The following TMED3 variants were observed in gnomAD, a reference collection of about 807,000 sequenced individuals.
TMED3 encodes the protein transmembrane emp24 domain-containing protein 3.
TMED3 carries 9 observed loss-of-function variants against 15.0 expected under a neutral mutation model. The ratio of observed to expected loss-of-function variants is 0.60; its 90% CI spans 0.36 to 1.04. The LOEUF (loss-of-function observed/expected upper bound fraction) is 1.04. Ranked by LOEUF, TMED3 falls within the 50% of genes least tolerant of loss-of-function variation. The pLI is 0.01. For synonymous variants in TMED3, 117 were observed against 121.4 expected, an observed-to-expected ratio of 0.96 and a Z score of 0.24; for missense variants, 267 against 278.9, an observed-to-expected ratio of 0.96 and a Z score of 0.30.
chr15:79,368,752 C>T (rs892589270), intron 2 of TMED3, among the ~76,000 whole-genome samples: 1 of 152,044 alleles, frequency 6.6e-6, no homozygotes, highest in Non-Finnish European at 1.5e-5. Flanking sequence ...ATTTTCTCTT[C>T]TTGTTCCCCT....
intron 2 of TMED3, chr15:79,384,605 T>C: frequency 6.6e-6 from 1 of 152,256 alleles, no homozygotes; most frequent in East Asian, 1.9e-4. Context: ...CCCTCTTGTC[T>C]ACCATGTGTA....
chr15:79,319,838 G>A (rs182314228), intron 2 of TMED3, among the ~76,000 whole-genome samples: 5 of 152,330 alleles, frequency 3.3e-5, no homozygotes, highest in Admixed American at 2.6e-4. Flanking sequence ...CATTATTTCT[G>A]CATATCAGAG....
chr15:79,331,690 TCAAA>T (rs1161231790), intron 2 of TMED3, among the ~76,000 whole-genome samples: 2 of 152,028 alleles, frequency 1.3e-5, no homozygotes, highest in Non-Finnish European at 2.9e-5. Flanking sequence ...TACAAGGAAC[TCAAA>T]CATATCAAAG....
intron 2 of TMED3, among the ~76,000 whole-genome samples, chr15:79,352,436 T>A (rs932203854): frequency 6.6e-6 from 1 of 152,024 alleles, no homozygotes; most frequent in Non-Finnish European, 1.5e-5. Flanking sequence ...TCAGGCGTCA[T>A]GTGCTCAATC....
At chr15:79,345,381 T>C (rs147196544) in intron 2 of TMED3, among the ~76,000 whole-genome samples, 15 of 152,300 alleles carry the variant, frequency 9.8e-5, no homozygotes, top group African/African-American at 3.1e-4. Context: ...CTCTCACTTA[T>C]AAGTGAGAAC....
chr15:79,312,375 C>A (rs1235299894), intron 1 of TMED3, among the ~76,000 whole-genome samples: 10 of 152,130 alleles, frequency 6.6e-5, no homozygotes, highest in Admixed American at 6.5e-4. Flanking sequence ...ACATGGGCAA[C>A]CTAGGTGCAA....
chr15:79,400,501 T>C (rs532025720), intron 2 of TMED3, among the ~76,000 whole-genome samples: 3 of 152,312 alleles, frequency 2.0e-5, no homozygotes, highest in South Asian at 4.1e-4. Flanking sequence ...TTGGTAAACA[T>C]TTGCTGATTA....
At chr15:79,396,563 C>T (rs572614958) in intron 2 of TMED3, among the ~76,000 whole-genome samples, 1 of 152,318 alleles carries the variant, frequency 6.6e-6, no homozygotes, top group African/African-American at 2.4e-5. Flanking sequence ...TCCATCTTCC[C>T]TCTGGGCTCC....
At chr15:79,336,456 G>A (rs1006360370) in intron 2 of TMED3, among the ~76,000 whole-genome samples, 4 of 152,104 alleles carry the variant, frequency 2.6e-5, no homozygotes, top group South Asian at 2.1e-4. Flanking sequence ...TCAGCAGTTC[G>A]AGACCAGCCT....
At chr15:79,377,708 C>T (rs1345415033) in intron 2 of TMED3, among the ~76,000 whole-genome samples, 3 of 143,596 alleles carry the variant, frequency 2.1e-5, no homozygotes, top group Non-Finnish European at 3.0e-5. Context: ...ACTGCAGTGG[C>T]GCAATCTCGG....
intron 2 of TMED3, among the ~76,000 whole-genome samples, chr15:79,399,688 C>T (rs1893809371): frequency 6.6e-6 from 1 of 152,210 alleles, no homozygotes; most frequent in South Asian, 2.1e-4. Context: ...GGTTTCTGAC[C>T]TGCCTTCCCA....
intron 2 of TMED3, among the ~76,000 whole-genome samples, chr15:79,348,184 C>T (rs987816994): frequency 6.6e-6 from 1 of 152,180 alleles, no homozygotes; most frequent in African/African-American, 2.4e-5. Flanking sequence ...ACAGTGCCCT[C>T]TGAAGAAACT....
At chr15:79,409,793 G>C (rs1343095798) in intron 2 of TMED3, among the ~76,000 whole-genome samples, 4 of 152,136 alleles carry the variant, frequency 2.6e-5, no homozygotes, top group Non-Finnish European at 4.4e-5. Flanking sequence ...TGTTAATAGT[G>C]AAGAGGCCAA....
At chr15:79,354,118 A>C (rs564292364) in intron 2 of TMED3, among the ~76,000 whole-genome samples, 24 of 152,336 alleles carry the variant, frequency 1.6e-4, no homozygotes, top group African/African-American at 5.8e-4. Flanking sequence ...AATTTTAAGA[A>C]GAATTGAGGT....
intron 2 of TMED3, among the ~76,000 whole-genome samples, chr15:79,357,464 CAAAAAAAA>C (rs59897659): frequency 1.1e-5 from 1 of 87,702 alleles, no homozygotes; most frequent in Non-Finnish European, 2.2e-5. Flanking sequence ...CACCCTGCCT[CAAAAAAAA>C]AAAAAAAAAA....
At chr15:79,352,420 A>G (rs535718199) in intron 2 of TMED3, among the ~76,000 whole-genome samples, 1 of 152,182 alleles carries the variant, frequency 6.6e-6, no homozygotes, top group Admixed American at 6.6e-5. Context: ...GCCCAGCACC[A>G]GAATGTCAGG....
downstream of TMED3, chr15:79,322,872 A>G (rs2058773941): frequency 1.0e-6 from 1 of 985,420 alleles, no homozygotes; most frequent in Non-Finnish European, 1.2e-6. Flanking sequence ...TCTTTGCCCT[A>G]AAGGACTCCA....
At chr15:79,325,865 T>C (rs1038586042), downstream of TMED3, among the ~76,000 whole-genome samples, 2 of 152,144 alleles carry the variant, frequency 1.3e-5, no homozygotes, top group African/African-American at 4.8e-5. Context: ...CAGCAAGCCA[T>C]CTTATCCCAC....
chr15:79,349,930 T>C (rs529822744), intron 2 of TMED3, among the ~76,000 whole-genome samples: 1 of 152,358 alleles, frequency 6.6e-6, no homozygotes, highest in Admixed American at 6.5e-5. Context: ...GCCACTCACT[T>C]ACTCTGTATC....
Sources: allele counts gnomAD v4.1 joint callset (sites outside exome capture counted in the v4.1 genomes callset), GRCh38; gene constraint gnomAD v4.1.1; transcripts MANE v1.5; gene names NCBI Gene and HGNC (gene_info 2026-07-23, HGNC 2026-07-21).